HSPA14: variants seen among roughly 807,000 people sequenced by gnomAD.
HSPA14 encodes heat shock protein family A (Hsp70) member 14.
HSPA14 carries 37 observed loss-of-function variants against 65.5 expected under a neutral mutation model. The observed-to-expected ratio is 0.56, with a 90% confidence interval of 0.43 to 0.74. The LOEUF (loss-of-function observed/expected upper bound fraction) is 0.74. Ranked by LOEUF, HSPA14 falls within the 30% of genes least tolerant of loss-of-function variation. The pLI is 0.00. For missense variants in HSPA14, 564 were observed against 607.6 expected (o/e 0.93, Z 0.75); for synonymous variants, 203 against 214.2 (o/e 0.95, Z 0.46).
In HSPA14 at chr10:14,843,697, C is replaced by T. The variant is rs1277732768; in HGVS notation, c.221+3540C>T. 1.9e-6 allele frequency: 3 copies of T among 1,541,240 alleles called. No homozygotes were observed. In the Admixed American group the frequency reaches 5.9e-5, roughly 30 times the overall value. ...GCGATTGGCACGAGAACTCTCAAAG[C>T]GGGAGGAAGAAAAACTGGACAGGCT... On this transcript the variant is annotated intron_variant, in intron 3 of 13. Transcript: ENST00000378372.
Position 14,839,902 on chromosome 10 carries a change from T to A in HSPA14, c.58-3T>A. 2.5e-6 allele frequency: 4 copies of A among 1,611,646 alleles called. No individual in the cohort carries two copies. Among genetic ancestry groups the A allele is most frequent in the Non-Finnish European group, 3.4e-6 (4 of 1,178,222 alleles). ...ACTATGTATTTCGTGTTTTTTTCTCTAGGATGGCCGGGCTGGTGTGGTTGC... is the reference window on the plus strand; with the variant it reads ...ACTATGTATTTCGTGTTTTTTTCTCAAGGATGGCCGGGCTGGTGTGGTTGC... On this transcript the variant is annotated splice_polypyrimidine_tract_variant and splice_region_variant and intron_variant, in intron 1 of 13. Coordinates refer to ENST00000378372, the MANE Select transcript of HSPA14 (RefSeq NM_016299.4).
At chr10:14,848,549 T>C in intron 3 of HSPA14, 60 bp from the exon 4 acceptor site, 1 of 1,271,744 alleles carries the variant, frequency 7.9e-7, no homozygotes, top group Admixed American at 1.9e-5. Flanking sequence ...TTCTCTAAAC[T>C]TTATATATCT....
At position 14,867,788 on chromosome 10, in the gene HSPA14, C is replaced by G. The variant is rs1408509193; in HGVS notation, c.1259C>G (p.Thr420Ser). ...TTCACAGTGCTGTTTCCATCAGGGA[C>G]TCCTTTGCCAGCTCGAAGACAACAC... ...SRFTVLFPSG[T>S]PLPARRQHTL... Residue 420 changes from threonine to serine, a missense_variant, in exon 12 of 14, where the codon ACT becomes AGT. By Grantham distance (58) the Thr-to-Ser change is moderately conservative. Transcript: ENST00000378372. 1 of 1,614,132 alleles carries G rather than the reference C, an allele frequency of 6.2e-7. No individual in the cohort carries two copies. Among genetic ancestry groups the G allele is most frequent in the East Asian group, 2.2e-5 (1 of 44,880 alleles).
At chr10:14,869,028 A>C (rs1342508492) in intron 12 of HSPA14, among the ~76,000 whole-genome samples, 3 of 151,432 alleles carry the variant, frequency 2.0e-5, no homozygotes, top group African/African-American at 7.3e-5. Flanking sequence ...TTGTATTTTT[A>C]GTAGAGACAG....
At chr10:14,868,932 C>T (rs1041726022) in intron 12 of HSPA14, among the ~76,000 whole-genome samples, 2 of 152,050 alleles carry the variant, frequency 1.3e-5, no homozygotes, top group Admixed American at 1.3e-4. Context: ...CTGCAAGCTC[C>T]GCCTCCCAGG....
At chr10:14,855,113 A>C (rs1186720261) in intron 9 of HSPA14, among the ~76,000 whole-genome samples, 1 of 152,208 alleles carries the variant, frequency 6.6e-6, no homozygotes. Flanking sequence ...TTGCTTTATT[A>C]ATCAGTAATT....
intron 3 of HSPA14, 78 bp downstream of exon 3, chr10:14,840,235 T>C (rs1372834574): frequency 1.5e-6 from 1 of 686,600 alleles, no homozygotes; most frequent in African/African-American, 1.9e-5. Context: ...GAAAAGAAAT[T>C]AGAAACAGCA....
At chr10:14,868,694 C>T (rs1291996101) in intron 12 of HSPA14, among the ~76,000 whole-genome samples, 2 of 152,150 alleles carry the variant, frequency 1.3e-5, no homozygotes, top group African/African-American at 4.8e-5. Context: ...CCAGAAACTT[C>T]ACAGTAGGTA....
intron 10 of HSPA14, among the ~76,000 whole-genome samples, chr10:14,866,549 A>G (rs1308232311): frequency 6.6e-6 from 1 of 152,224 alleles, no homozygotes; most frequent in Non-Finnish European, 1.5e-5. Context: ...TTCTTCAGAA[A>G]GATTTAATCA....
At chr10:14,862,099 T>A (rs1832754747) in intron 10 of HSPA14, among the ~76,000 whole-genome samples, 1 of 149,200 alleles carries the variant, frequency 6.7e-6, no homozygotes, top group Non-Finnish European at 1.5e-5. Flanking sequence ...CGATCTCGGC[T>A]CACTGTAAGC....
chr10:14,846,686 C>G, intron 3 of HSPA14: 1 of 960,760 alleles, frequency 1.0e-6, no homozygotes, highest in African/African-American at 1.8e-5. Context: ...TTGTGAGGAT[C>G]AAAGGAACAG....
chr10:14,855,789 T>C (rs906586519), intron 9 of HSPA14, 52 bp from the exon 10 acceptor site: 2 of 957,598 alleles, frequency 2.1e-6, no homozygotes, highest in Middle Eastern at 2.1e-4. Context: ...CCGTTTTATC[T>C]TTCTCTTGTC....
At chr10:14,841,198 G>A (rs908603001) in intron 3 of HSPA14, 2 of 152,070 alleles carry the variant, frequency 1.3e-5, no homozygotes, top group Non-Finnish European at 2.9e-5. Flanking sequence ...AACTATAGTT[G>A]TTTGGAGAGA....
chr10:14,868,909 C>A (rs1832830053), intron 12 of HSPA14, among the ~76,000 whole-genome samples: 1 of 151,808 alleles, frequency 6.6e-6, no homozygotes, highest in African/African-American at 2.4e-5. Flanking sequence ...TGCAGTGGCA[C>A]GATCTCGGCT....
intron 3 of HSPA14, 70 bp downstream of exon 3, chr10:14,840,227 AAAG>A: frequency 6.4e-6 from 5 of 780,944 alleles, no homozygotes; most frequent in South Asian, 3.1e-5. Context: ...CATAATGTGA[AAAG>A]AAATTAGAAA....
In HSPA14 at chr10:14,855,947, A is replaced by C; in HGVS notation, c.993+4A>C. ...TACAGCAGATGATATCAACAAGGTA[A>C]TGCTTTTACATTTTTCTTAACTATT... On this transcript the variant is annotated splice_donor_region_variant and intron_variant, in intron 10 of 13. Coordinates refer to ENST00000378372, the MANE Select transcript of HSPA14 (RefSeq NM_016299.4). 1.3e-6 allele frequency: 2 copies of C among 1,483,882 alleles called. No individual in the cohort carries two copies. Among genetic ancestry groups the C allele is most frequent in the South Asian group, 2.3e-5 (2 of 88,038 alleles). The allele number at this position is 1,483,882 out of a possible 1,614,324, so 91.9% of individuals were successfully genotyped here. A position where few individuals can be genotyped will look rare whatever the true frequency, so the allele number is the denominator to read the frequency against.
chr10:14,842,603 G>A lies in HSPA14; in HGVS notation c.221+2446G>A. On this transcript the variant is annotated intron_variant, in intron 3 of 13. Transcript: ENST00000378372. The surrounding 1 kb of genome is among the most constrained non-coding windows in gnomAD (Gnocchi z 5.2). ...GCTTCTCCGAAATCAGATAGTGACTGACCCAGACAACTTAATGGAGGATGC... is the reference window on the plus strand; with the variant it reads ...GCTTCTCCGAAATCAGATAGTGACTAACCCAGACAACTTAATGGAGGATGC... 6.5e-7 allele frequency: 1 copy of A among 1,536,146 alleles called. No individual in the cohort carries two copies. Among genetic ancestry groups the A allele is most frequent in the Non-Finnish European group, 8.7e-7 (1 of 1,146,924 alleles).
chr10:14,845,320 G>A, intron 3 of HSPA14: 1 of 985,424 alleles, frequency 1.0e-6, no homozygotes. Context: ...ATAACAAAGA[G>A]TGGGCATGTT....
chr10:14,851,675 T>C (rs1385099334), intron 7 of HSPA14, among the ~76,000 whole-genome samples: 8 of 152,248 alleles, frequency 5.3e-5, no homozygotes, highest in Non-Finnish European at 7.3e-5. Flanking sequence ...TACTGTTATA[T>C]ACATTTGACA....
Sources: gnomAD v4.1 joint callset for allele counts (sites outside exome capture counted in the v4.1 genomes callset) on GRCh38, gnomAD v4.1.1 for gene constraint, Gnocchi (gnomAD v3.1) non-coding constraint, MANE v1.5 for transcripts, NCBI Gene and HGNC (gene_info 2026-07-23, HGNC 2026-07-21) for gene names.